Variants in TBC1D22A observed in about 807,000 individuals in gnomAD.
TBC1D22A encodes putative GTPase activator.
A neutral mutation model predicts 60.2 loss-of-function variants in TBC1D22A; 38 were observed. The ratio of observed to expected loss-of-function variants is 0.63; its 90% CI spans 0.49 to 0.83. The LOEUF is 0.83. TBC1D22A is among the 40% of genes least tolerant of loss of function. The pLI is 0.00. For synonymous variants in TBC1D22A, 302 were observed against 281.7 expected, an observed-to-expected ratio of 1.07 and a Z score of -0.72; for missense variants, 628 against 701.0, an observed-to-expected ratio of 0.90 and a Z score of 1.18.
At chr22:46,940,753 G>A (rs376104499) in intron 8 of TBC1D22A, among the ~76,000 whole-genome samples, 4 of 123,426 alleles carry the variant, frequency 3.2e-5, no homozygotes, top group Admixed American at 8.5e-5. Flanking sequence ...CATGGAGGCT[G>A]GGGCACTAGC....
chr22:47,101,325 GAGA>G (rs1208872902), intron 11 of TBC1D22A, among the ~76,000 whole-genome samples: 3 of 152,224 alleles, frequency 2.0e-5, no homozygotes, highest in Non-Finnish European at 4.4e-5. Context: ...CCCCAAACCA[GAGA>G]AGAAGCAGGG....
At chr22:46,880,033 C>T (rs576016156) in intron 5 of TBC1D22A, among the ~76,000 whole-genome samples, 7 of 152,230 alleles carry the variant, frequency 4.6e-5, no homozygotes, top group Admixed American at 6.5e-5. Context: ...CCAGGAACCC[C>T]GGCGAGGCAA....
At chr22:47,107,695 A>G (rs2065688581) in intron 11 of TBC1D22A, among the ~76,000 whole-genome samples, 1 of 152,250 alleles carries the variant, frequency 6.6e-6, no homozygotes, top group Non-Finnish European at 1.5e-5. Flanking sequence ...TTGACAAAAC[A>G]GGTTCTAAAA....
At chr22:47,073,251 G>T (rs915506780) in intron 11 of TBC1D22A, among the ~76,000 whole-genome samples, 2 of 152,232 alleles carry the variant, frequency 1.3e-5, no homozygotes, top group African/African-American at 4.8e-5. Flanking sequence ...CCATATCCAC[G>T]TAATGTTGTT....
chr22:47,121,111 C>G (rs2066257214), intron 12 of TBC1D22A, among the ~76,000 whole-genome samples: 1 of 152,218 alleles, frequency 6.6e-6, no homozygotes, highest in African/African-American at 2.4e-5. Context: ...AGTCAGAAAC[C>G]CACATGAGAA....
chr22:46,981,050 ATAGT>A lies in TBC1D22A; in HGVS notation c.1125+6655_1125+6658del, dbSNP rs72378656. Among the ~76,000 whole-genome samples the A allele has an allele frequency of 6.5e-3, 987 of 152,344 alleles. 7 individuals are homozygous for A. Among genetic ancestry groups the A allele is most frequent in the African/African-American group, 0.021 (865 of 41,578 alleles). On this transcript the variant is annotated intron_variant, in intron 9 of 12. Transcript: ENST00000337137. ...CAACAGAAGAATATTAACCAAAGTAATAGTTAGGTAGCTCTGTAGCCCATATGTA... is the reference window on the plus strand; with the variant it reads ...CAACAGAAGAATATTAACCAAAGTAATAGGTAGCTCTGTAGCCCATATGTA...
intron 4 of TBC1D22A, among the ~76,000 whole-genome samples, chr22:46,863,285 G>C (rs1228324554): frequency 2.0e-5 from 3 of 152,232 alleles, no homozygotes; most frequent in African/African-American, 7.2e-5. Context: ...TGGAGGAGAT[G>C]ATGTTCCAAG....
At position 47,054,288 on chromosome 22, in the gene TBC1D22A, G is replaced by A. The variant is rs74606641; in HGVS notation, c.1329+17090G>A. Among the ~76,000 whole-genome samples, 1,311 of 152,340 alleles carry A rather than the reference G, an allele frequency of 8.6e-3. 22 individuals are homozygous for A. The highest frequency in any genetic ancestry group is 0.03 in the African/African-American group (1,253 of 41,574). On this transcript the variant is annotated intron_variant, in intron 11 of 12. Transcript: ENST00000337137. ...TCTCTCTTGGCCAAGTTAGAAACGA[G>A]TGGACTTGCCACTGCTTGTGTTGGA...
At chr22:47,085,015 C>T (rs556066262) in intron 11 of TBC1D22A, among the ~76,000 whole-genome samples, 4 of 152,332 alleles carry the variant, frequency 2.6e-5, no homozygotes, top group Non-Finnish European at 4.4e-5. Context: ...CATGGTGGCT[C>T]ACACCTGTAA....
At chr22:46,937,450 T>C (rs1450754752) in intron 8 of TBC1D22A, among the ~76,000 whole-genome samples, 1 of 152,320 alleles carries the variant, frequency 6.6e-6, no homozygotes, top group East Asian at 1.9e-4. Context: ...CTGATGCTGG[T>C]GTCAACAAAC....
intron 4 of TBC1D22A, among the ~76,000 whole-genome samples, chr22:46,830,324 G>T (rs937067775): frequency 6.6e-6 from 1 of 152,204 alleles, no homozygotes; most frequent in African/African-American, 2.4e-5. Flanking sequence ...ATCACCCTTC[G>T]AGCCCCTGGA....
At chr22:47,141,840 C>T (rs1383124528) in intron 12 of TBC1D22A, among the ~76,000 whole-genome samples, 1 of 152,194 alleles carries the variant, frequency 6.6e-6, no homozygotes, top group Non-Finnish European at 1.5e-5. Context: ...TTTTTAATAT[C>T]AAATTCCACT....
At chr22:47,037,839 G>T (rs931253236) in intron 11 of TBC1D22A, among the ~76,000 whole-genome samples, 18 of 152,298 alleles carry the variant, frequency 1.2e-4, no homozygotes, top group African/African-American at 4.3e-4. Flanking sequence ...ACTCTGCTGT[G>T]AGTTTGAGCT....
intron 8 of TBC1D22A, among the ~76,000 whole-genome samples, chr22:46,964,182 G>C (rs1028695022): frequency 6.6e-6 from 1 of 152,202 alleles, no homozygotes; most frequent in Non-Finnish European, 1.5e-5. Flanking sequence ...TGGGCCATCC[G>C]AAACACATTC....
At chr22:47,147,466 C>T (rs2067326181) in intron 12 of TBC1D22A, among the ~76,000 whole-genome samples, 1 of 152,266 alleles carries the variant, frequency 6.6e-6, no homozygotes, top group East Asian at 1.9e-4. Flanking sequence ...TCGGAGGGCT[C>T]CCCAGGGGGC....
At chr22:46,845,011 T>C (rs1573731) in intron 4 of TBC1D22A, among the ~76,000 whole-genome samples, 54,003 of 152,056 alleles carry the variant, frequency 0.36, 10,338 homozygotes, top group African/African-American at 0.52. Context: ...TGGAGTCCAG[T>C]GGGCCCTGGT....
rs372200988 is a variant in TBC1D22A at position 47,126,540 on chromosome 22, C to T, written c.1425+14937C>T. 4.1e-3 allele frequency among the ~76,000 whole-genome samples: 621 copies of T among 152,364 alleles called. 5 individuals are homozygous for T. The highest frequency in any genetic ancestry group is 0.013 in the African/African-American group (544 of 41,582). On this transcript the variant is annotated intron_variant, in intron 12 of 12. Coordinates refer to ENST00000337137, the MANE Select transcript of TBC1D22A (RefSeq NM_014346.5). ...ATCCACATGTCATCTGCTCCCTGAG[C>T]GCATCTCACTCTAGCAGCTCCAGCA... is the stretch of plus-strand genomic sequence containing the variant.
rs533927407 is a variant in TBC1D22A at position 47,114,932 on chromosome 22, C to T, written c.1425+3329C>T. Among the ~76,000 whole-genome samples, 6 of 152,172 alleles carry T rather than the reference C, an allele frequency of 3.9e-5. No homozygotes were observed. In the East Asian group the frequency reaches 1.2e-3, roughly 30 times the overall value. ...GAGGGCGCTGCCTGTGTCCTAGGTC[C>T]CCTTGGCCTTTGAGCCTCATGCGGG... On this transcript the variant is annotated intron_variant, in intron 12 of 12. Coordinates refer to ENST00000337137, the MANE Select transcript of TBC1D22A (RefSeq NM_014346.5).
intron 4 of TBC1D22A, among the ~76,000 whole-genome samples, chr22:46,849,126 G>A (rs769190434): frequency 2.6e-5 from 4 of 152,172 alleles, no homozygotes; most frequent in Admixed American, 6.5e-5. Context: ...GGCAGAGGGC[G>A]TGGTTGTGGC....
Sources: gnomAD v4.1 joint callset for allele counts (sites outside exome capture counted in the v4.1 genomes callset) on GRCh38, gnomAD v4.1.1 for gene constraint, MANE v1.5 for transcripts, NCBI Gene and HGNC (gene_info 2026-07-23, HGNC 2026-07-21) for gene names.